The following SLC22A24 variants were observed in gnomAD, a reference collection of about 807,000 sequenced individuals.
SLC22A24 encodes steroid transmembrane transporter SLC22A24.
In SLC22A24, 53 loss-of-function variants were observed where a neutral mutation model predicts 49.8. The ratio of observed to expected loss-of-function variants is 1.06; its 90% CI spans 0.85 to 1.34. SLC22A24 has a LOEUF of 1.34. Among genes scored for constraint, SLC22A24 ranks in the 40% most tolerant of loss-of-function variants. The pLI, the probability that SLC22A24 is intolerant of heterozygous loss-of-function variation, is 0.00. For missense variants in SLC22A24, 786 were observed against 675.9 expected, an observed-to-expected ratio of 1.16 and a Z score of -1.81; for synonymous variants, 302 against 256.4, an observed-to-expected ratio of 1.18 and a Z score of -1.70.
intron 5 of SLC22A24, among the ~76,000 whole-genome samples, chr11:63,096,863 A>G (rs536913817): frequency 3.5e-4 from 54 of 152,256 alleles, no homozygotes; most frequent in African/African-American, 1.3e-3. Flanking sequence ...TTGATATATT[A>G]CTTATCTCAG....
chr11:63,103,060 A>G (rs2087100834), intron 5 of SLC22A24, among the ~76,000 whole-genome samples: 1 of 152,168 alleles, frequency 6.6e-6, no homozygotes, highest in South Asian at 2.1e-4. Context: ...GACTTTGAGC[A>G]TATGCTATAA....
chr11:63,104,048 A>G (rs1486198028), intron 5 of SLC22A24, 127 bp downstream of exon 5: 15 of 838,534 alleles, frequency 1.8e-5, no homozygotes, highest in East Asian at 8.4e-5. Context: ...TATATATTTT[A>G]TCAGGACAGA....
In SLC22A24 at chr11:63,143,879, A is replaced by C; in HGVS notation, c.-100T>G. The C allele has an allele frequency of 9.8e-7, 1 of 1,021,422 alleles. No homozygotes were observed. Among genetic ancestry groups the C allele is most frequent in the South Asian group, 3.6e-5 (1 of 28,084 alleles). 63.3% of individuals were successfully genotyped at this position (1,021,422 alleles called of 1,614,324 possible). A position where few individuals can be genotyped will look rare whatever the true frequency, so the allele number is the denominator to read the frequency against. On this transcript the variant is annotated 5_prime_UTR_variant, in exon 1 of 10. An upstream start codon of the reference 5' UTR is lost. Coordinates refer to ENST00000612278, the MANE Select transcript of SLC22A24 (RefSeq NM_001136506.2). ...CCTTTCACAAAGTTACCATAGTGCC[A>C]TGTGGATCCTGACACTGCTTTCTTC...
intron 4 of SLC22A24, among the ~76,000 whole-genome samples, chr11:63,109,178 A>G (rs1266919284): frequency 2.0e-5 from 3 of 149,120 alleles, no homozygotes; most frequent in South Asian, 2.2e-4. Context: ...ACATGAACTC[A>G]TCATTTTTTA....
chr11:63,081,474 A>G lies in SLC22A24; in HGVS notation c.1394+84T>C, dbSNP rs189178150. ...TACAGTTAATTCATCTGGCACCTAA[A>G]CAGTGTCAGTCTTTCATTCACAATG... On this transcript the variant is annotated intron_variant, in intron 8 of 9. Coordinates refer to ENST00000612278, the MANE Select transcript of SLC22A24 (RefSeq NM_001136506.2). 5.3e-6 allele frequency: 5 copies of G among 939,754 alleles called. No homozygotes were observed. The South Asian group carries it at 7.1e-5, about 13-fold the overall frequency. The allele number at this position is 939,754 out of a possible 1,614,324, so 58.2% of individuals were successfully genotyped here.
chr11:63,090,093 A>AAAAAAAAAAAAAAAAAC (rs2087010656), intron 6 of SLC22A24, among the ~76,000 whole-genome samples: 1 of 151,030 alleles, frequency 6.6e-6, no homozygotes, highest in Non-Finnish European at 1.5e-5. Flanking sequence ...AAAAAAAAAA[A>AAAAAAAAAAAAAAAAAC]AAAAAAAAAA....
chr11:63,135,996 A>G (rs2087371609), intron 1 of SLC22A24, among the ~76,000 whole-genome samples: 1 of 152,214 alleles, frequency 6.6e-6, no homozygotes, highest in Non-Finnish European at 1.5e-5. Context: ...TGACCATTCT[A>G]CAGTCATTTG....
intron 4 of SLC22A24, among the ~76,000 whole-genome samples, chr11:63,112,872 A>G (rs1240944539): frequency 1.3e-5 from 2 of 151,162 alleles, no homozygotes; most frequent in Non-Finnish European, 2.9e-5. Flanking sequence ...AAAAATAGCA[A>G]GGCATGGTGA....
intron 4 of SLC22A24, among the ~76,000 whole-genome samples, chr11:63,115,687 G>A (rs781243708): frequency 2.6e-5 from 4 of 152,024 alleles, no homozygotes; most frequent in Non-Finnish European, 4.4e-5. Context: ...GTTCCTATTC[G>A]ACCATCTTGG....
At chr11:63,094,027 C>T (rs2087036776) in intron 6 of SLC22A24, among the ~76,000 whole-genome samples, 1 of 151,862 alleles carries the variant, frequency 6.6e-6, no homozygotes, top group East Asian at 1.9e-4. Context: ...TTTTAGGGTA[C>T]ATATGCACAA....
intron 6 of SLC22A24, among the ~76,000 whole-genome samples, chr11:63,090,780 G>A (rs1041130285): frequency 6.6e-6 from 1 of 151,880 alleles, no homozygotes; most frequent in South Asian, 2.1e-4. Context: ...AGGTAAAGCA[G>A]TGTTAAGAAA....
intron 2 of SLC22A24, among the ~76,000 whole-genome samples, chr11:63,122,105 G>A (rs572624295): frequency 1.3e-5 from 2 of 152,150 alleles, no homozygotes; most frequent in Admixed American, 6.5e-5. Flanking sequence ...AGTACAGATG[G>A]TACAGAGTCT....
chr11:63,101,381 C>T (rs1358834128), intron 5 of SLC22A24, among the ~76,000 whole-genome samples: 1 of 151,680 alleles, frequency 6.6e-6, no homozygotes, highest in Non-Finnish European at 1.5e-5. Context: ...TATAATATTA[C>T]ACTAGGCAAG....
intron 1 of SLC22A24, among the ~76,000 whole-genome samples, chr11:63,138,369 G>A (rs7106537): frequency 0.77 from 117,272 of 152,060 alleles, 47,000 homozygotes; most frequent in East Asian, 0.9. Flanking sequence ...GGCCGGGTAC[G>A]TGGTGGCTTA....
At chr11:63,132,139 T>G (rs1419041666) in intron 2 of SLC22A24, among the ~76,000 whole-genome samples, 1 of 152,246 alleles carries the variant, frequency 6.6e-6, no homozygotes, top group Non-Finnish European at 1.5e-5. Flanking sequence ...TCCAGTCCTT[T>G]AAGGTCTTTT....
intron 4 of SLC22A24, among the ~76,000 whole-genome samples, chr11:63,107,876 C>A (rs183044805): frequency 1.3e-5 from 2 of 152,056 alleles, no homozygotes; most frequent in Non-Finnish European, 2.9e-5. Flanking sequence ...ATGTCATCTG[C>A]AAACATGGAC....
rs143229517 is a variant in SLC22A24 at position 63,083,631 on chromosome 11, A to G, written c.1071-174T>C. On this transcript the variant is annotated intron_variant, in intron 6 of 9. Coordinates refer to ENST00000612278, the MANE Select transcript of SLC22A24 (RefSeq NM_001136506.2). The stretch of plus-strand genomic sequence containing the variant: ...CTGTTTTATAGACTATTTCCTTTTC[A>G]GACAATGGTCTTAAAATAACATAAA... Among the ~76,000 whole-genome samples the G allele has an allele frequency of 2.6e-3, 396 of 152,342 alleles. 1 individual carries two copies. Among genetic ancestry groups the G allele is most frequent in the African/African-American group, 8.9e-3 (369 of 41,588 alleles).
chr11:63,085,225 CG>C (rs1344605890), intron 6 of SLC22A24, among the ~76,000 whole-genome samples: 5 of 151,392 alleles, frequency 3.3e-5, no homozygotes, highest in African/African-American at 1.2e-4. Context: ...GAAAGAATAC[CG>C]CATATTACTT....
chr11:63,096,053 G>T lies in SLC22A24; in HGVS notation c.1008C>A (p.Ser336=). 1 of 1,550,920 alleles carries T rather than the reference G, an allele frequency of 6.4e-7. No individual in the cohort carries two copies. Among genetic ancestry groups the T allele is most frequent in the Non-Finnish European group, 8.7e-7 (1 of 1,146,464 alleles). The change falls in exon 6 of 10, where the codon TCC becomes TCA. Residue 336 remains serine, a synonymous_variant. Transcript: ENST00000612278. The stretch of plus-strand genomic sequence containing the variant: ...TGGGTGCACGGAACAGGGAAAAAAT[G>T]GATGTTTTAATTCGGACTGCATCCA... ...KELDAVRIKT[S]IFSLFRAPKL...
Sources: gnomAD v4.1 joint callset for allele counts (sites outside exome capture counted in the v4.1 genomes callset) on GRCh38, gnomAD v4.1.1 for gene constraint, MANE v1.5 for transcripts, NCBI Gene and HGNC (gene_info 2026-07-23, HGNC 2026-07-21) for gene names.